MARCHF7: variants seen among roughly 807,000 people sequenced by gnomAD.
MARCHF7 encodes the protein E3 ubiquitin-protein ligase MARCHF7.
A neutral mutation model predicts 76.5 loss-of-function variants in MARCHF7; 20 were observed. The observed-to-expected ratio is 0.26, with a 90% CI of 0.18 to 0.38. MARCHF7 has a LOEUF of 0.38. Among genes scored for constraint, MARCHF7 ranks in the 10% least tolerant of loss-of-function variants. The probability of loss-of-function intolerance (pLI) is 1.00; values close to 1 mark genes in which losing one functional copy is unlikely to be tolerated. For synonymous variants in MARCHF7, 295 were observed against 293.0 expected, an observed-to-expected ratio of 1.01 and a Z score of -0.07; for missense variants, 797 against 812.9, an observed-to-expected ratio of 0.98 and a Z score of 0.24.
At chr2:159,767,124 A>C (rs1707891288) in intron 11 of MARCHF7, among the ~76,000 whole-genome samples, 160 bp from the exon 12 acceptor site, 1 of 152,180 alleles carries the variant, frequency 6.6e-6, no homozygotes, top group Admixed American at 6.5e-5. Flanking sequence ...CCACAGGCAG[A>C]CCACCCTAAC....
intron 4 of MARCHF7, among the ~76,000 whole-genome samples, chr2:159,734,685 A>G (rs912050928): frequency 5.3e-5 from 8 of 152,204 alleles, no homozygotes; most frequent in African/African-American, 1.7e-4. Flanking sequence ...CATATAAGAA[A>G]AAGAGACTGG....
At chr2:159,742,481 A>G (rs1704244529) in intron 4 of MARCHF7, among the ~76,000 whole-genome samples, 1 of 152,114 alleles carries the variant, frequency 6.6e-6, no homozygotes, top group African/African-American at 2.4e-5. Context: ...TTTCAAAAAG[A>G]AAAAAACAAA....
intron 2 of MARCHF7, 91 bp from the exon 3 acceptor site, chr2:159,715,590 C>T (rs1471883685): frequency 6.6e-6 from 1 of 152,166 alleles, no homozygotes; most frequent in Non-Finnish European, 1.5e-5. Flanking sequence ...AAGGAATCCT[C>T]CCACCTCAGC....
At chr2:159,761,502 C>T (rs1365426301) in intron 9 of MARCHF7, among the ~76,000 whole-genome samples, 1 of 146,884 alleles carries the variant, frequency 6.8e-6, no homozygotes, top group Non-Finnish European at 1.5e-5. Context: ...GCAACCTCCA[C>T]CTCCCGGGTT....
At chr2:159,745,725 C>A (rs369878099) in intron 5 of MARCHF7, 45 bp from the exon 6 acceptor site, 4 of 1,366,046 alleles carry the variant, frequency 2.9e-6, no homozygotes, top group Non-Finnish European at 4.1e-6. Context: ...TCATCCAAAG[C>A]CTTGAAAGCT....
At chr2:159,737,910 C>G (rs1017533682) in intron 4 of MARCHF7, among the ~76,000 whole-genome samples, 12 of 152,332 alleles carry the variant, frequency 7.9e-5, no homozygotes, top group African/African-American at 2.6e-4. Flanking sequence ...TGTTGCTTTT[C>G]CAGCTAGAAG....
intron 8 of MARCHF7, among the ~76,000 whole-genome samples, chr2:159,755,919 C>T (rs977110746): frequency 3.4e-4 from 52 of 152,100 alleles, no homozygotes; most frequent in African/African-American, 1.1e-3. Flanking sequence ...GCAGTAGACC[C>T]CTAGGGGGCA....
chr2:159,767,246 T>C, intron 11 of MARCHF7, 38 bp from the exon 12 acceptor site: 1 of 1,516,198 alleles, frequency 6.6e-7, no homozygotes, highest in South Asian at 1.1e-5. Flanking sequence ...CTTATCCCCC[T>C]TAAAATCATT....
At chr2:159,756,241 T>G (rs1706276145) in intron 8 of MARCHF7, among the ~76,000 whole-genome samples, 1 of 152,212 alleles carries the variant, frequency 6.6e-6, no homozygotes, top group African/African-American at 2.4e-5. Context: ...ATAATACAGG[T>G]TATTGTTTAA....
chr2:159,721,823 A>G (rs918306892), intron 3 of MARCHF7, among the ~76,000 whole-genome samples: 9 of 152,174 alleles, frequency 5.9e-5, no homozygotes, highest in African/African-American at 1.9e-4. Context: ...ATAAAACACA[A>G]ATTCAAAGAT....
chr2:159,730,576 A>G (rs1179162777), intron 4 of MARCHF7, among the ~76,000 whole-genome samples: 1 of 152,186 alleles, frequency 6.6e-6, no homozygotes, highest in Non-Finnish European at 1.5e-5. Flanking sequence ...AGCGGAACCT[A>G]GTCTCATTTT....
At chr2:159,743,943 C>CA (rs1249313998) in intron 5 of MARCHF7, among the ~76,000 whole-genome samples, 13 of 97,108 alleles carry the variant, frequency 1.3e-4, no homozygotes, top group Admixed American at 8.0e-4. Flanking sequence ...TCTTGAGTTA[C>CA]AAAAAAATGG....
Position 159,748,428 on chromosome 2 carries a change from A to G in MARCHF7, c.1138A>G (p.Arg380Gly). ...AAATTTTAACCAAGAATCTGAAGGTAGAAATACAGGACCATGGTTATCTTC... is the reference window on the plus strand; with the variant it reads ...AAATTTTAACCAAGAATCTGAAGGTGGAAATACAGGACCATGGTTATCTTC... ...SENFNQESEG[R>G]NTGPWLSSSL... is the part of the protein sequence containing the mutation. The change falls in exon 7 of 12, where the codon AGA becomes GGA. Residue 380 changes from arginine to glycine, a missense_variant. Around this residue, in one of 3 missense-constraint regions of MARCHF7, gnomAD observed 643 missense variants for 631.5 expected, o/e 1.02. Transcript: ENST00000409175. 2 of 1,614,194 alleles carry G rather than the reference A, an allele frequency of 1.2e-6. No homozygotes were observed. The highest frequency in any genetic ancestry group is 1.7e-6 in the Non-Finnish European group (2 of 1,180,042).
chr2:159,752,711 TAA>T, intron 8 of MARCHF7, 140 bp downstream of exon 8: 1 of 729,970 alleles, frequency 1.4e-6, no homozygotes, highest in Non-Finnish European at 2.1e-6. Flanking sequence ...GCAGAAGCAT[TAA>T]AGAGCATTAG....
At chr2:159,749,492 C>T (rs1248307988) in intron 7 of MARCHF7, among the ~76,000 whole-genome samples, 2 of 151,898 alleles carry the variant, frequency 1.3e-5, no homozygotes, top group African/African-American at 4.8e-5. Flanking sequence ...GGATTACAGG[C>T]GCCTGCCACC....
intron 4 of MARCHF7, chr2:159,734,056 T>G (rs1475056730): frequency 2.2e-6 from 3 of 1,359,398 alleles, no homozygotes; most frequent in Admixed American, 5.2e-5. Context: ...GATTGGCAAC[T>G]ATGATCATCT....
chr2:159,768,282 CTT>C lies in MARCHF7; in HGVS notation c.*941_*942del, dbSNP rs1253803747. 6.6e-6 allele frequency: 1 copy of C among 152,490 alleles called. No homozygotes were observed. Among genetic ancestry groups the C allele is most frequent in the African/African-American group, 2.4e-5 (1 of 41,414 alleles). 9.4% of individuals were successfully genotyped at this position (152,490 alleles called of 1,614,324 possible). On this transcript the variant is annotated 3_prime_UTR_variant, in exon 12 of 12. Coordinates refer to ENST00000409175, the MANE Select transcript of MARCHF7 (RefSeq NM_001282805.2). ...GTAATTCTGAGCATTTATTTGATGA[CTT>C]AATATTTTTCACTACCTTTGGAGAA...
rs571963652 is a variant in MARCHF7 at position 159,751,711 on chromosome 2, A to G, written c.1614-691A>G. Among the ~76,000 whole-genome samples, 4 of 152,312 alleles carry G rather than the reference A, an allele frequency of 2.6e-5. No individual in the cohort carries two copies. The South Asian group carries it at 8.3e-4, about 32-fold the overall frequency. ...AGGAATTTTAACAACTACTTACCTT[A>G]TTATATAAAACTATTACTCTGCATT... On this transcript the variant is annotated intron_variant, in intron 7 of 11. Transcript: ENST00000409175.
chr2:159,717,410 A>T (rs1268489931), intron 3 of MARCHF7, among the ~76,000 whole-genome samples: 1 of 152,166 alleles, frequency 6.6e-6, no homozygotes, highest in African/African-American at 2.4e-5. Flanking sequence ...GTGGGTGGTA[A>T]AATAGGTTAG....
Sources: gnomAD v4.1 joint callset for allele counts (sites outside exome capture counted in the v4.1 genomes callset) on GRCh38, gnomAD v4.1.1 for gene constraint, gnomAD v4.1.1 regional missense constraint, MANE v1.5 for transcripts, NCBI Gene and HGNC (gene_info 2026-07-23, HGNC 2026-07-21) for gene names.